Variants in EXT1 observed in about 807,000 individuals in gnomAD.
The protein encoded by EXT1 is exostosin glycosyltransferase 1.
Under a neutral mutation model 82.5 loss-of-function variants are expected in EXT1, and 20 were observed. The observed-to-expected ratio is 0.24, with a 90% CI of 0.17 to 0.35. The LOEUF is 0.35. Among genes scored for constraint, EXT1 ranks in the 10% least tolerant of loss-of-function variants. The pLI, the probability that EXT1 is intolerant of heterozygous loss-of-function variation, is 1.00. For missense variants in EXT1, 757 were observed against 936.5 expected, an observed-to-expected ratio of 0.81 and a Z score of 2.50; for synonymous variants, 348 against 350.8, an observed-to-expected ratio of 0.99 and a Z score of 0.09.
At chr8:117,955,458 C>G (rs1197524501) in intron 1 of EXT1, among the ~76,000 whole-genome samples, 1 of 152,172 alleles carries the variant, frequency 6.6e-6, no homozygotes, top group Non-Finnish European at 1.5e-5. Context: ...GGTTTATCAC[C>G]CAGGAAATTC....
At chr8:118,059,368 G>A (rs1277335575) in intron 1 of EXT1, among the ~76,000 whole-genome samples, 1 of 152,138 alleles carries the variant, frequency 6.6e-6, no homozygotes, top group African/African-American at 2.4e-5. Flanking sequence ...AATGAGACTT[G>A]GAAAGTGAAC....
At position 117,891,952 on chromosome 8, in the gene EXT1, A is replaced by G. The variant is rs572166403; in HGVS notation, c.963-54751T>C. Among the ~76,000 whole-genome samples the G allele has an allele frequency of 8.6e-5, 13 of 151,892 alleles. No homozygotes were observed. In the East Asian group the frequency reaches 2.1e-3, roughly 25 times the overall value. ...CTCCTGAGTAGCTGGGATTACAGGC[A>G]CAGGCTACCACACCCGGCTAATTTT... On this transcript the variant is annotated intron_variant, in intron 1 of 10. Coordinates refer to ENST00000378204, the MANE Select transcript of EXT1 (RefSeq NM_000127.3).
At chr8:117,993,532 G>T (rs568887806) in intron 1 of EXT1, among the ~76,000 whole-genome samples, 2 of 152,222 alleles carry the variant, frequency 1.3e-5, no homozygotes, top group Non-Finnish European at 2.9e-5. Context: ...TATGCCTTAA[G>T]TTTATCATCT....
intron 1 of EXT1, among the ~76,000 whole-genome samples, chr8:117,922,109 G>A (rs999040428): frequency 1.3e-5 from 2 of 151,984 alleles, no homozygotes; most frequent in African/African-American, 4.8e-5. Context: ...TTCAGAGGTG[G>A]CCCCTTTTGC....
chr8:117,873,323 A>C (rs963756605), intron 1 of EXT1, among the ~76,000 whole-genome samples: 1 of 152,170 alleles, frequency 6.6e-6, no homozygotes, highest in Non-Finnish European at 1.5e-5. Context: ...TAGTTGCCTA[A>C]AAGGGTAATC....
chr8:117,864,801 A>G (rs891619732), intron 1 of EXT1, among the ~76,000 whole-genome samples: 5 of 151,766 alleles, frequency 3.3e-5, no homozygotes, highest in Non-Finnish European at 7.4e-5. Flanking sequence ...ATGCTTCAGG[A>G]AAGTTATGAA....
In EXT1 at chr8:117,805,297, T is replaced by G. The variant is rs552050626; in HGVS notation, c.1884-404A>C. On this transcript the variant is annotated intron_variant, in intron 9 of 10. Transcript: ENST00000378204. ...AAGTTATTTACACATGATCTATATA[T>G]TATAAAGCTGCTTAACAATTTTAAT... Among the ~76,000 whole-genome samples, 15 of 152,318 alleles carry G rather than the reference T, an allele frequency of 9.8e-5. No individual in the cohort carries two copies. The South Asian group carries it at 3.1e-3, about 32-fold the overall frequency.
intron 1 of EXT1, among the ~76,000 whole-genome samples, chr8:117,985,490 T>A (rs1230648207): frequency 6.6e-6 from 1 of 151,702 alleles, no homozygotes; most frequent in Non-Finnish European, 1.5e-5. Context: ...ATGTAAAGAG[T>A]TCCTAGTGTG....
intron 1 of EXT1, among the ~76,000 whole-genome samples, chr8:118,092,048 A>C (rs1817535008): frequency 6.6e-6 from 1 of 152,232 alleles, no homozygotes; most frequent in African/African-American, 2.4e-5. Context: ...ATTCAAGGTT[A>C]TAACTAACAC....
chr8:117,920,168 G>A (rs960936237), intron 1 of EXT1, among the ~76,000 whole-genome samples: 3 of 152,050 alleles, frequency 2.0e-5, no homozygotes, highest in African/African-American at 2.4e-5. Flanking sequence ...GCAGTGACGC[G>A]ATCTCGGCTC....
intron 1 of EXT1, among the ~76,000 whole-genome samples, chr8:118,036,147 T>C (rs78861385): frequency 4.2e-4 from 64 of 152,052 alleles, no homozygotes; most frequent in Non-Finnish European, 6.9e-4. Context: ...TAGATTCCAC[T>C]TTTAAATTTC....
chr8:117,969,844 C>G (rs79194317), intron 1 of EXT1, among the ~76,000 whole-genome samples: 2 of 152,310 alleles, frequency 1.3e-5, no homozygotes, highest in East Asian at 3.9e-4. Flanking sequence ...TGAATCAGAA[C>G]GGCAGTTCTC....
At chr8:118,100,848 C>T (rs547558329) in intron 1 of EXT1, among the ~76,000 whole-genome samples, 1 of 152,188 alleles carries the variant, frequency 6.6e-6, no homozygotes, top group African/African-American at 2.4e-5. Context: ...TATCTGACTG[C>T]CCCAGGGATC....
At chr8:118,005,035 G>A (rs1279103668) in intron 1 of EXT1, among the ~76,000 whole-genome samples, 1 of 152,104 alleles carries the variant, frequency 6.6e-6, no homozygotes, top group African/African-American at 2.4e-5. Flanking sequence ...TTTACATGGG[G>A]GTGAGGGAGA....
chr8:117,871,019 GA>G (rs1812861264), intron 1 of EXT1, among the ~76,000 whole-genome samples: 1 of 151,992 alleles, frequency 6.6e-6, no homozygotes, highest in Non-Finnish European at 1.5e-5. Flanking sequence ...ATGTAACTGG[GA>G]AAAAAATGTA....
At chr8:117,957,888 A>C (rs1428431131) in intron 1 of EXT1, among the ~76,000 whole-genome samples, 1 of 152,210 alleles carries the variant, frequency 6.6e-6, no homozygotes, top group Non-Finnish European at 1.5e-5. Flanking sequence ...ACTATGTTTC[A>C]GTTGAAATGG....
intron 1 of EXT1, among the ~76,000 whole-genome samples, chr8:117,923,536 T>C (rs1204803373): frequency 6.0e-5 from 9 of 148,936 alleles, no homozygotes; most frequent in South Asian, 2.1e-4. Context: ...GCTAACACGG[T>C]GAAACCCCAT....
chr8:118,004,548 G>C (rs1815736394), intron 1 of EXT1, among the ~76,000 whole-genome samples: 1 of 152,152 alleles, frequency 6.6e-6, no homozygotes, highest in African/African-American at 2.4e-5. Context: ...ACCAAAGAGG[G>C]AGCACAGCGC....
At chr8:117,831,200 C>T (rs17474602) in intron 3 of EXT1, among the ~76,000 whole-genome samples, 48 of 152,294 alleles carry the variant, frequency 3.2e-4, no homozygotes, top group African/African-American at 1.1e-3. Flanking sequence ...AGTGTTGCCT[C>T]TAGCAGCATT....
Sources: allele counts gnomAD v4.1 joint callset (sites outside exome capture counted in the v4.1 genomes callset), GRCh38; gene constraint gnomAD v4.1.1; transcripts MANE v1.5; gene names NCBI Gene and HGNC (gene_info 2026-07-23, HGNC 2026-07-21).